The following POTEE variants were observed in gnomAD, a reference collection of about 807,000 sequenced individuals.
POTEE encodes the protein ANKRD26-like family C member 1A.
In POTEE, 21 loss-of-function variants were observed where a neutral mutation model predicts 74.2. The observed-to-expected ratio is 0.28, with a 90% confidence interval of 0.20 to 0.41. POTEE has a LOEUF of 0.41. POTEE is among the 10% of genes least tolerant of loss of function. POTEE has a pLI of 1.00. For synonymous variants in POTEE, 211 were observed against 432.8 expected (o/e 0.49, Z 6.36); for missense variants, 525 against 1,158.6 (o/e 0.45, Z 7.94).
chr2:131,215,478 CTT>C (rs991050461), intron 2 of POTEE, among the ~76,000 whole-genome samples: 9 of 151,826 alleles, frequency 5.9e-5, no homozygotes, highest in Non-Finnish European at 1.0e-4. Flanking sequence ...TTTTTCAAGA[CTT>C]ACGCTAGAAC....
rs1701811982 is a variant in POTEE, at chr2:131,263,908, AGAT to A, written c.2456_2458del (p.Met819del). 1 of 1,614,080 alleles carries A rather than the reference AGAT, an allele frequency of 6.2e-7. No homozygotes were observed. The highest frequency in any genetic ancestry group is 1.3e-5 in the African/African-American group (1 of 74,936). Reference sequence around the variant, plus strand: ...CTGAACCCCAAGGCCAACCGCGAGAAGATGACCCAGATCATGTTTGAGACCTTC... The same window carrying A: ...CTGAACCCCAAGGCCAACCGCGAGAAGACCCAGATCATGTTTGAGACCTTC... On this transcript the variant is annotated inframe_deletion, in exon 18 of 18. Coordinates refer to ENST00000683005, the MANE Select transcript of POTEE (RefSeq NM_001083538.3).
intron 9 of POTEE, among the ~76,000 whole-genome samples, chr2:131,233,315 AC>A (rs1019845879): frequency 6.6e-6 from 1 of 151,896 alleles, no homozygotes; most frequent in Non-Finnish European, 1.5e-5. Context: ...TGTGAAAGCC[AC>A]CATGATTATA....
At chr2:131,260,345 G>T (rs1701673730) in intron 16 of POTEE, among the ~76,000 whole-genome samples, 1 of 145,242 alleles carries the variant, frequency 6.9e-6, no homozygotes, top group South Asian at 2.2e-4. Context: ...AAATAATTCT[G>T]TGAAGAATGA....
Position 131,217,684 on chromosome 2 carries a change from G to A in POTEE, c.-94+1G>A, listed in dbSNP as rs1700474357. The stretch of plus-strand genomic sequence containing the variant: ...ATTCGTGGCGCCAAGACTTAAGCAG[G>A]CGCGTTGCATGCATCGGCCAGTGTC... On this transcript the variant is annotated splice_donor_variant, in intron 3 of 17. Transcript: ENST00000683005. LOFTEE classifies it low-confidence loss of function (5UTR_SPLICE). Among the ~76,000 whole-genome samples the A allele has an allele frequency of 6.7e-6, 1 of 150,328 alleles. No homozygotes were observed. The highest frequency in any genetic ancestry group is 2.0e-4 in the East Asian group (1 of 4,976).
intron 1 of POTEE, among the ~76,000 whole-genome samples, chr2:131,210,152 G>T (rs1453100554): frequency 6.8e-6 from 1 of 146,514 alleles, no homozygotes; most frequent in Non-Finnish European, 1.5e-5. Context: ...TGGCAGCGGG[G>T]GGTGGTTTAG....
At chr2:131,211,516 G>A (rs1700356537) in intron 2 of POTEE, among the ~76,000 whole-genome samples, 1 of 59,450 alleles carries the variant, frequency 1.7e-5, no homozygotes, top group African/African-American at 4.6e-5. Flanking sequence ...AATTTAGGGG[G>A]TGACTGTGTG....
chr2:131,228,121 T>C, intron 7 of POTEE, 123 bp from the exon 8 acceptor site: 1 of 1,486,548 alleles, frequency 6.7e-7, no homozygotes, highest in Non-Finnish European at 8.9e-7. Context: ...CTCAAGATGC[T>C]TATGTCTTTT....
chr2:131,215,101 T>C (rs1700421817), intron 2 of POTEE, among the ~76,000 whole-genome samples: 1 of 150,970 alleles, frequency 6.6e-6, no homozygotes, highest in Admixed American at 6.6e-5. Context: ...ATTTTAAAAA[T>C]GCTTATAATG....
chr2:131,211,146 C>G lies in POTEE; in HGVS notation c.-226C>G, dbSNP rs1191730644. 6.6e-6 allele frequency among the ~76,000 whole-genome samples: 1 copy of G among 151,814 alleles called. No individual in the cohort carries two copies. Among genetic ancestry groups the G allele is most frequent in the East Asian group, 1.9e-4 (1 of 5,164 alleles). ...TGACTCTGCAGCTCGCCTCGTGTGA[C>G]TGATGGCAGCCACGGAGACTGCAGC... On this transcript the variant is annotated 5_prime_UTR_variant, in exon 2 of 18. Transcript: ENST00000683005.
intron 6 of POTEE, among the ~76,000 whole-genome samples, chr2:131,225,755 G>A (rs1457940361): frequency 6.7e-6 from 1 of 150,010 alleles, no homozygotes; most frequent in Admixed American, 6.6e-5. Context: ...TGAACTCCTG[G>A]GCTCAAGCGA....
chr2:131,262,789 T>C (rs1177488857), intron 17 of POTEE, among the ~76,000 whole-genome samples: 1 of 152,298 alleles, frequency 6.6e-6, no homozygotes, highest in Non-Finnish European at 1.5e-5. Context: ...TTGACAGTTA[T>C]AAATAAATGT....
chr2:131,225,687 T>A (rs1401373870), intron 6 of POTEE, among the ~76,000 whole-genome samples: 1 of 115,244 alleles, frequency 8.7e-6, no homozygotes, highest in Non-Finnish European at 1.6e-5. Context: ...CCAACCTCAG[T>A]TTTTTTTTTT....
chr2:131,214,283 G>C (rs1260710362), intron 2 of POTEE, among the ~76,000 whole-genome samples: 1 of 152,238 alleles, frequency 6.6e-6, no homozygotes, highest in African/African-American at 2.4e-5. Context: ...GAAATTAGTA[G>C]GGGAGAGAGA....
chr2:131,262,847 A>G (rs887393005), intron 17 of POTEE, among the ~76,000 whole-genome samples: 6 of 152,292 alleles, frequency 3.9e-5, no homozygotes, highest in East Asian at 1.9e-4. Flanking sequence ...GAATATCGGT[A>G]AAACGTTCTT....
Position 131,233,205 on chromosome 2 carries a change from G to C in POTEE, c.1126+2299G>C, listed in dbSNP as rs534108100. 2.2e-4 allele frequency among the ~76,000 whole-genome samples: 33 copies of C among 152,154 alleles called. No homozygotes were observed. The South Asian group carries it at 6.6e-3, about 31-fold the overall frequency. On this transcript the variant is annotated intron_variant, in intron 9 of 17. Transcript: ENST00000683005. Reference sequence around the variant, plus strand: ...AGGCATTCTGGTTATGGTGTAAAACGGGTTAGCAAGCTTTTTCTGTAAATG... The same window carrying C: ...AGGCATTCTGGTTATGGTGTAAAACCGGTTAGCAAGCTTTTTCTGTAAATG...
intron 1 of POTEE, among the ~76,000 whole-genome samples, chr2:131,210,369 G>C: frequency 6.7e-6 from 1 of 149,068 alleles, no homozygotes; most frequent in Non-Finnish European, 1.5e-5. Flanking sequence ...GCCTGCAACT[G>C]GCACAGGGTG....
chr2:131,219,489 C>T (rs1231937139), intron 4 of POTEE, among the ~76,000 whole-genome samples: 2 of 151,960 alleles, frequency 1.3e-5, no homozygotes, highest in Non-Finnish European at 2.9e-5. Context: ...GCCTGTAATC[C>T]CAGCACTTTG....
intron 13 of POTEE, among the ~76,000 whole-genome samples, chr2:131,248,461 A>G (rs1476928761): frequency 6.6e-6 from 1 of 152,232 alleles, no homozygotes; most frequent in Non-Finnish European, 1.5e-5. Context: ...TGGTGAATAC[A>G]GAAGAGCAAA....
chr2:131,216,362 A>G (rs1226170921), intron 2 of POTEE, among the ~76,000 whole-genome samples: 1 of 152,268 alleles, frequency 6.6e-6, no homozygotes, highest in Non-Finnish European at 1.5e-5. Flanking sequence ...GAACCACAAA[A>G]GATGCTGAAA....
Sources: gnomAD v4.1 joint callset for allele counts (sites outside exome capture counted in the v4.1 genomes callset) on GRCh38, gnomAD v4.1.1 for gene constraint, MANE v1.5 for transcripts, NCBI Gene and HGNC (gene_info 2026-07-23, HGNC 2026-07-21) for gene names.